Variants in ZNF763 observed in about 807,000 individuals in gnomAD.
ZNF763 encodes the protein zinc finger protein 763, also known as DNA-binding protein.
Under a neutral mutation model 38.0 loss-of-function variants are expected in ZNF763, and 33 were observed. The observed-to-expected ratio is 0.87, with a 90% CI of 0.66 to 1.16. The LOEUF is 1.16. Among genes scored for constraint, ZNF763 ranks in the 50% most tolerant of loss-of-function variants. The pLI is 0.00. For missense variants in ZNF763, 423 were observed against 469.1 expected, an observed-to-expected ratio of 0.90 and a Z score of 0.91; for synonymous variants, 155 against 160.1, an observed-to-expected ratio of 0.97 and a Z score of 0.24.
At chr19:11,969,329 T>C (rs574191996) in intron 1 of ZNF763, among the ~76,000 whole-genome samples, 17 of 152,340 alleles carry the variant, frequency 1.1e-4, no homozygotes, top group African/African-American at 4.1e-4. Context: ...GGTCTTGAAC[T>C]TCTGTCCTCA....
At chr19:11,967,301 C>T (rs1356884347) in intron 1 of ZNF763, among the ~76,000 whole-genome samples, 1 of 152,162 alleles carries the variant, frequency 6.6e-6, no homozygotes, top group Non-Finnish European at 1.5e-5. Flanking sequence ...CTCGCCACTG[C>T]ACTCCAGTGT....
At chr19:11,965,330 C>T in intron 1 of ZNF763, 119 bp downstream of exon 1, 1 of 1,399,976 alleles carries the variant, frequency 7.1e-7, no homozygotes, top group Non-Finnish European at 9.9e-7. Context: ...GGACCGAGTC[C>T]TCCTGGAGCT....
rs935065540 is a variant in ZNF763 at position 11,979,774 on chromosome 19, T to A, written c.*665T>A. ...CACACCTTCGAATCCATGGTAGAAC[T>A]CACACTGGAGAGAAACCCTATGAGT... On this transcript the variant is annotated 3_prime_UTR_variant, in exon 4 of 4. Coordinates refer to ENST00000358987, the MANE Select transcript of ZNF763 (RefSeq NM_001367172.2). 1.5e-5 allele frequency: 23 copies of A among 1,579,616 alleles called. No homozygotes were observed. The highest frequency in any genetic ancestry group is 3.3e-4 in the Middle Eastern group (2 of 5,978).
chr19:11,976,898 T>A (rs773493682), intron 1 of ZNF763, 140 bp from the exon 2 acceptor site: 2 of 1,523,748 alleles, frequency 1.3e-6, no homozygotes, highest in African/African-American at 1.4e-5. Context: ...TGGAAGAAAG[T>A]ACAGAAAGCG....
intron 1 of ZNF763, among the ~76,000 whole-genome samples, chr19:11,972,572 A>G (rs1444181808): frequency 1.3e-5 from 2 of 152,178 alleles, no homozygotes; most frequent in African/African-American, 2.4e-5. Flanking sequence ...CATCCCCATC[A>G]GTATATTTTA....
At chr19:11,976,106 G>A (rs1973483109) in intron 1 of ZNF763, among the ~76,000 whole-genome samples, 1 of 146,614 alleles carries the variant, frequency 6.8e-6, no homozygotes, top group African/African-American at 2.6e-5. Context: ...ATGTCCCAGG[G>A]ACTCTCTCTC....
chr19:11,970,680 C>T (rs1037751559), intron 1 of ZNF763, among the ~76,000 whole-genome samples: 1 of 152,160 alleles, frequency 6.6e-6, no homozygotes, highest in Non-Finnish European at 1.5e-5. Flanking sequence ...TGCAGTGGCT[C>T]ACACACTTTG....
At chr19:11,974,026 C>G (rs2145335144) in intron 1 of ZNF763, among the ~76,000 whole-genome samples, 1 of 152,066 alleles carries the variant, frequency 6.6e-6, no homozygotes, top group East Asian at 1.9e-4. Context: ...CAGGTGTTTG[C>G]TGGTGCCTCA....
intron 1 of ZNF763, among the ~76,000 whole-genome samples, chr19:11,973,931 A>G (rs2145334995): frequency 6.6e-6 from 1 of 152,146 alleles, no homozygotes; most frequent in Non-Finnish European, 1.5e-5. Context: ...TGGCTGTAGA[A>G]TTTTCCATTC....
intron 1 of ZNF763, 87 bp downstream of exon 1, chr19:11,965,298 C>A: frequency 1.3e-6 from 2 of 1,575,804 alleles, no homozygotes; most frequent in Non-Finnish European, 1.7e-6. Flanking sequence ...CCGGGCCTCC[C>A]TGCGGGCGAC....
chr19:11,965,095 C>A lies in ZNF763; in HGVS notation c.-114C>A. 7.0e-7 allele frequency: 1 copy of A among 1,436,094 alleles called. No homozygotes were observed. Among genetic ancestry groups the A allele is most frequent in the East Asian group, 2.3e-5 (1 of 43,336 alleles). 89.0% of individuals were successfully genotyped at this position (1,436,094 alleles called of 1,614,324 possible). A position where few individuals can be genotyped will look rare whatever the true frequency, so the allele number is the denominator to read the frequency against. On this transcript the variant is annotated 5_prime_UTR_variant, in exon 1 of 4. Transcript: ENST00000358987. The stretch of plus-strand genomic sequence containing the variant: ...TGGTTGATATCCGCTGTATCCATCC[C>A]CGAGAGGGACCTGGTACCTCTACCC...
intron 1 of ZNF763, among the ~76,000 whole-genome samples, chr19:11,973,992 T>A (rs1350878759): frequency 6.6e-6 from 1 of 152,138 alleles, no homozygotes; most frequent in African/African-American, 2.4e-5. Flanking sequence ...GAAGTGTCAG[T>A]GTTTGGGATT....
In ZNF763 at chr19:11,965,227, C is replaced by A. The variant is rs1568304278; in HGVS notation, c.3+16C>A. The A allele has an allele frequency of 6.2e-7, 1 of 1,614,020 alleles. No homozygotes were observed. The highest frequency in any genetic ancestry group is 1.7e-5 in the Admixed American group (1 of 60,026). ...CCAGGAAATGGTGCGTGTGCATAGC[C>A]GGTTGTCCCGAGACGGGGTAGAGGC... On this transcript the variant is annotated intron_variant, in intron 1 of 3. Coordinates refer to ENST00000358987, the MANE Select transcript of ZNF763 (RefSeq NM_001367172.2).
At chr19:11,968,627 T>TA (rs1261681400) in intron 1 of ZNF763, among the ~76,000 whole-genome samples, 1 of 152,184 alleles carries the variant, frequency 6.6e-6, no homozygotes, top group Non-Finnish European at 1.5e-5. Flanking sequence ...CTTTTCAATT[T>TA]AAAAAAGTGA....
At chr19:11,973,448 C>G (rs1328370463) in intron 1 of ZNF763, among the ~76,000 whole-genome samples, 1 of 152,158 alleles carries the variant, frequency 6.6e-6, no homozygotes, top group Admixed American at 6.5e-5. Context: ...CTCCTCAGCT[C>G]AGGTGATTCT....
Position 11,979,721 on chromosome 19 carries a change from CA to C in ZNF763, c.*614del. ...TGAAGAGAAGCCCTACGAGTGTAAG[CA>C]ATGTGGGAAAGCCTTCAGATCTGCC... is the stretch of plus-strand genomic sequence containing the variant. On this transcript the variant is annotated 3_prime_UTR_variant, in exon 4 of 4. Coordinates refer to ENST00000358987, the MANE Select transcript of ZNF763 (RefSeq NM_001367172.2). The C allele has an allele frequency of 1.3e-6, 2 of 1,595,880 alleles. No homozygotes were observed. Among genetic ancestry groups the C allele is most frequent in the Non-Finnish European group, 1.7e-6 (2 of 1,167,452 alleles).
At chr19:11,972,631 A>T (rs1422681934) in intron 1 of ZNF763, among the ~76,000 whole-genome samples, 1 of 152,220 alleles carries the variant, frequency 6.6e-6, no homozygotes, top group African/African-American at 2.4e-5. Context: ...GATATTTTAT[A>T]TTGGATTTTA....
At position 11,979,080 on chromosome 19, in the gene ZNF763, A is replaced by C. The variant is rs763467198; in HGVS notation, c.1156A>C (p.Lys386Gln). 1 of 1,614,038 alleles carries C rather than the reference A, an allele frequency of 6.2e-7. No individual in the cohort carries two copies. The highest frequency in any genetic ancestry group is 1.3e-5 in the African/African-American group (1 of 74,918). The change falls in exon 4 of 4, where the codon AAG becomes CAG. Residue 386 changes from lysine to glutamine, a missense_variant. Physicochemically the swap from Lys to Gln is moderately conservative, Grantham distance 53 (BLOSUM62 1). Coordinates refer to ENST00000358987, the MANE Select transcript of ZNF763 (RefSeq NM_001367172.2). ...ALSYKFSNTP[K>Q]NALWRKTL is the part of the protein sequence containing the mutation. ...ATCTTATAAGTTTTCAAACACACCT[A>C]AGAATGCGCTCTGGAGAAAGACCTT...
At chr19:11,969,380 C>A (rs1329170283) in intron 1 of ZNF763, among the ~76,000 whole-genome samples, 2 of 152,190 alleles carry the variant, frequency 1.3e-5, no homozygotes, top group African/African-American at 4.8e-5. Context: ...GGTGGGATTA[C>A]AGGTGGGAGT....
Sources: allele counts gnomAD v4.1 joint callset (sites outside exome capture counted in the v4.1 genomes callset), GRCh38; gene constraint gnomAD v4.1.1; transcripts MANE v1.5; gene names NCBI Gene and HGNC (gene_info 2026-07-23, HGNC 2026-07-21).